The following LOXL2 variants were observed in gnomAD, a reference collection of about 807,000 sequenced individuals.
LOXL2 encodes lysyl oxidase homolog 2.
Under a neutral mutation model 93.0 loss-of-function variants are expected in LOXL2, and 70 were observed. That is an observed-to-expected ratio of 0.75 (90% CI 0.62 to 0.92). The LOEUF (loss-of-function observed/expected upper bound fraction) is 0.92. Ranked by LOEUF, LOXL2 falls within the 40% of genes least tolerant of loss-of-function variation. The pLI is 0.00. For missense variants in LOXL2, 973 were observed against 1,054.9 expected (o/e 0.92, Z 1.08); for synonymous variants, 438 against 413.2 (o/e 1.06, Z -0.73).
At chr8:23,330,232 G>T (rs939694502) in intron 5 of LOXL2, among the ~76,000 whole-genome samples, 4 of 152,236 alleles carry the variant, frequency 2.6e-5, no homozygotes, top group Non-Finnish European at 5.9e-5. Flanking sequence ...TACTCGGGAG[G>T]CTGAGGCAGG....
At position 23,360,082 on chromosome 8, in the gene LOXL2, T is replaced by A. The variant is rs1260051299; in HGVS notation, c.531+8A>T. Reference sequence around the variant, plus strand: ...GCATGAAGGAAACATCAAGAGCACATGACTTGCCTCTATCTGGTTGATCAA... The same window carrying A: ...GCATGAAGGAAACATCAAGAGCACAAGACTTGCCTCTATCTGGTTGATCAA... On this transcript the variant is annotated splice_region_variant and intron_variant, in intron 3 of 13. Transcript: ENST00000389131. 1 of 1,594,214 alleles carries A rather than the reference T, an allele frequency of 6.3e-7. No homozygotes were observed. Among genetic ancestry groups the A allele is most frequent in the East Asian group, 2.3e-5 (1 of 44,322 alleles).
chr8:23,384,583 A>G (rs1346455059), intron 1 of LOXL2, among the ~76,000 whole-genome samples: 1 of 152,156 alleles, frequency 6.6e-6, no homozygotes, highest in Non-Finnish European at 1.5e-5. Flanking sequence ...CCATTTCCAA[A>G]TAGATGTCTC....
At chr8:23,352,920 G>A (rs1804118057) in intron 3 of LOXL2, among the ~76,000 whole-genome samples, 1 of 150,942 alleles carries the variant, frequency 6.6e-6, no homozygotes, top group African/African-American at 2.4e-5. Flanking sequence ...CTCACAGCCT[G>A]GGGATTTTCC....
At chr8:23,403,729 C>A (rs538170100) in intron 1 of LOXL2, among the ~76,000 whole-genome samples, 3 of 152,036 alleles carry the variant, frequency 2.0e-5, no homozygotes, top group African/African-American at 7.2e-5. Context: ...GCAGCCGCGC[C>A]GCGCCCGGCC....
chr8:23,343,923 G>C (rs1312619010), intron 3 of LOXL2, among the ~76,000 whole-genome samples: 2 of 152,244 alleles, frequency 1.3e-5, no homozygotes, highest in Non-Finnish European at 2.9e-5. Context: ...GTCATGCCCA[G>C]AAGGAAAGTT....
chr8:23,306,170 G>A (rs1032800537), intron 10 of LOXL2, among the ~76,000 whole-genome samples: 8 of 152,142 alleles, frequency 5.3e-5, no homozygotes, highest in African/African-American at 1.7e-4. Context: ...GATGCAAAAC[G>A]GATGGCAGAT....
intron 9 of LOXL2, 87 bp from the exon 10 acceptor site, chr8:23,309,998 T>C: frequency 7.4e-7 from 1 of 1,356,680 alleles, no homozygotes; most frequent in South Asian, 1.9e-5. Flanking sequence ...ACAAACCCCC[T>C]CTCCTGCCTA....
intron 3 of LOXL2, among the ~76,000 whole-genome samples, chr8:23,359,278 CAG>C (rs535220572): frequency 1.3e-3 from 201 of 152,308 alleles, no homozygotes; most frequent in African/African-American, 4.5e-3. Flanking sequence ...CACTCTCTAC[CAG>C]AGTTAGTCTG....
At chr8:23,311,033 T>C (rs1803312470) in intron 9 of LOXL2, among the ~76,000 whole-genome samples, 1 of 152,224 alleles carries the variant, frequency 6.6e-6, no homozygotes, top group South Asian at 2.1e-4. Flanking sequence ...GACAAGTTGC[T>C]TGTAAATTTT....
At chr8:23,382,053 T>C (rs886513890) in intron 1 of LOXL2, among the ~76,000 whole-genome samples, 1 of 152,222 alleles carries the variant, frequency 6.6e-6, no homozygotes, top group Non-Finnish European at 1.5e-5. Context: ...ACAGCCACAG[T>C]GTCATTTATA....
intron 5 of LOXL2, among the ~76,000 whole-genome samples, chr8:23,329,914 T>C (rs1803643895): frequency 6.6e-6 from 1 of 152,016 alleles, no homozygotes; most frequent in Middle Eastern, 3.4e-3. Flanking sequence ...GGTGGGGTGC[T>C]GGGACAGCAC....
chr8:23,323,711 G>A (rs4554472), intron 6 of LOXL2, among the ~76,000 whole-genome samples: 107,427 of 148,726 alleles, frequency 0.72, 39,036 homozygotes, highest in Non-Finnish European at 0.76. Flanking sequence ...TTTTTGGGGG[G>A]GTGGGGGTGG....
In LOXL2 at chr8:23,322,213, A is replaced by G; in HGVS notation, c.1219T>C (p.Phe407Leu). The G allele has an allele frequency of 6.2e-7, 1 of 1,614,126 alleles. No individual in the cohort carries two copies. Among genetic ancestry groups the G allele is most frequent in the Non-Finnish European group, 8.5e-7 (1 of 1,180,002 alleles). ...TTGCAGCCCTGAGACTCGGCATTGA[A>G]CTTGCAGTCTATAATGGACTTCTCA... is the stretch of plus-strand genomic sequence containing the variant. ...GNEKSIIDCK[F>L]NAESQGCNHE... Residue 407 changes from phenylalanine to leucine, a missense_variant, in exon 7 of 14, where the codon TTC becomes CTC. Phe to Leu is a conservative substitution (Grantham distance 22). Coordinates refer to ENST00000389131, the MANE Select transcript of LOXL2 (RefSeq NM_002318.3).
intron 3 of LOXL2, among the ~76,000 whole-genome samples, chr8:23,346,156 TA>T (rs373499170): frequency 9.9e-5 from 5 of 50,304 alleles, no homozygotes; most frequent in Admixed American, 8.2e-4. Flanking sequence ...TAAAATAAAA[TA>T]AAAAATAAAA....
chr8:23,384,465 C>T (rs1268880380), intron 1 of LOXL2, among the ~76,000 whole-genome samples: 1 of 152,222 alleles, frequency 6.6e-6, no homozygotes, highest in Non-Finnish European at 1.5e-5. Context: ...AACGGCAATT[C>T]CTCAAGTCTC....
chr8:23,391,255 A>AC (rs1804839790), intron 1 of LOXL2, among the ~76,000 whole-genome samples: 1 of 152,198 alleles, frequency 6.6e-6, no homozygotes, highest in Admixed American at 6.5e-5. Context: ...AACAACAACA[A>AC]AACAAGAGAC....
At position 23,298,005 on chromosome 8, in the gene LOXL2, G is replaced by T. The variant is rs769154586; in HGVS notation, c.*38C>A. 4 of 1,544,830 alleles carry T rather than the reference G, an allele frequency of 2.6e-6. No individual in the cohort carries two copies. The highest frequency in any genetic ancestry group is 3.6e-6 in the Non-Finnish European group (4 of 1,119,688). ...GGGGGGAAGTCCCATGGAAGATGTGGTGTGGCCTGAAGACAGGAGTTGACC... is the reference window on the plus strand; with the variant it reads ...GGGGGGAAGTCCCATGGAAGATGTGTTGTGGCCTGAAGACAGGAGTTGACC... On this transcript the variant is annotated 3_prime_UTR_variant, in exon 14 of 14. Transcript: ENST00000389131.
chr8:23,403,831 G>A (rs1800183690), intron 1 of LOXL2, 123 bp downstream of exon 1: 1 of 152,520 alleles, frequency 6.6e-6, no homozygotes, highest in East Asian at 1.9e-4. Flanking sequence ...AGAAGTCTTT[G>A]GGAACCCCCA....
chr8:23,357,073 C>CTT (rs897361564), intron 3 of LOXL2, among the ~76,000 whole-genome samples: 1 of 145,106 alleles, frequency 6.9e-6, no homozygotes, highest in Non-Finnish European at 1.5e-5. Context: ...TTTCAGTCTT[C>CTT]TTTTTTTTTT....
Sources: allele counts gnomAD v4.1 joint callset (sites outside exome capture counted in the v4.1 genomes callset), GRCh38; gene constraint gnomAD v4.1.1; transcripts MANE v1.5; gene names NCBI Gene and HGNC (gene_info 2026-07-23, HGNC 2026-07-21).